ASAH2: variants seen among roughly 807,000 people sequenced by gnomAD.
The protein encoded by ASAH2 is neutral ceramidase.
A neutral mutation model predicts 82.9 loss-of-function variants in ASAH2; 58 were observed. The observed-to-expected ratio is 0.70, with a 90% CI of 0.57 to 0.87. The LOEUF (loss-of-function observed/expected upper bound fraction) is 0.87, where lower values mean the gene tolerates loss of function less well. Among genes scored for constraint, ASAH2 ranks in the 40% least tolerant of loss-of-function variants. The pLI is 0.00. For synonymous variants in ASAH2, 276 were observed against 289.7 expected (o/e 0.95, Z 0.48); for missense variants, 779 against 834.0 (o/e 0.93, Z 0.81).
intron 7 of ASAH2, among the ~76,000 whole-genome samples, chr10:50,219,004 G>T (rs1246441075): frequency 6.6e-6 from 1 of 152,138 alleles, no homozygotes; most frequent in Non-Finnish European, 1.5e-5. Flanking sequence ...TTTACTAAGG[G>T]TTACCTGTAT....
At chr10:50,218,433 A>G (rs1049240936) in intron 8 of ASAH2, 77 bp downstream of exon 8, 20,866 of 1,595,918 alleles carry the variant, frequency 0.013, 166 homozygotes, top group Non-Finnish European at 0.015. Context: ...GGAGATTTGA[A>G]TCACCTCTTC....
intron 7 of ASAH2, among the ~76,000 whole-genome samples, chr10:50,220,475 C>A (rs1029436964): frequency 2.7e-5 from 3 of 113,008 alleles, no homozygotes; most frequent in South Asian, 7.9e-4. Flanking sequence ...TGTCCTTTGC[C>A]GGAACATAGA....
chr10:50,206,019 C>T lies in ASAH2; in HGVS notation c.1493G>A (p.Cys498Tyr). 1.9e-6 allele frequency: 3 copies of T among 1,612,520 alleles called. No individual in the cohort carries two copies. Among genetic ancestry groups the T allele is most frequent in the Non-Finnish European group, 2.5e-6 (3 of 1,178,830 alleles). ...LGKPSEEIKE[C>Y]HKPKPILLHT... ...AAGAAGGATGGGCTTTGGTTTATGA[C>T]ATTCTTTAATTTCTTCAGATGGCTT... Residue 498 changes from cysteine to tyrosine, a missense_variant, in exon 13 of 21, where the codon TGT becomes TAT. Cys to Tyr is a radical substitution (Grantham distance 194). This residue lies in a region of ASAH2 where 759 missense variants were observed against 755.2 expected (regional missense o/e 1.00). Transcript: ENST00000682911.
rs950682342 is a variant in ASAH2 at position 50,202,970 on chromosome 10, C to A, written c.1666-46G>T. 2,836 of 1,189,610 alleles carry A rather than the reference C, an allele frequency of 2.4e-3. 41 individuals are homozygous for A. In the African/African-American group the frequency reaches 0.035, roughly 15 times the overall value. The allele number at this position is 1,189,610 out of a possible 1,614,324, so 73.7% of individuals were successfully genotyped here. The stretch of plus-strand genomic sequence containing the variant: ...CCAATAAAATTACTCTTCATCTTTA[C>A]GTATATTTTCATTCTGTTATCCTTA... On this transcript the variant is annotated intron_variant, in intron 15 of 20. Coordinates refer to ENST00000682911, the MANE Select transcript of ASAH2 (RefSeq NM_019893.4).
chr10:50,250,435 C>T (rs1338718792), intron 1 of ASAH2, among the ~76,000 whole-genome samples: 3 of 152,206 alleles, frequency 2.0e-5, no homozygotes, highest in African/African-American at 7.2e-5. Flanking sequence ...GCAGGGACAA[C>T]TTCAAATGTG....
intron 6 of ASAH2, among the ~76,000 whole-genome samples, chr10:50,234,092 A>G (rs1023772689): frequency 6.6e-6 from 1 of 152,112 alleles, no homozygotes; most frequent in African/African-American, 2.4e-5. Context: ...ATAAATTAAG[A>G]TAAGTAAATC....
chr10:50,243,239 A>C lies in ASAH2; in HGVS notation c.473T>G (p.Ile158Ser), dbSNP rs1471061544. 3.7e-6 allele frequency: 6 copies of C among 1,613,980 alleles called. No homozygotes were observed. The Admixed American group carries it at 5.0e-5, about 13-fold the overall frequency. ...CCTTTGTGATACCATGCCTATGTCGATGCTGACAAACACTGTTCGATTGGA... is the reference window on the plus strand; with the variant it reads ...CCTTTGTGATACCATGCCTATGTCGCTGCTGACAAACACTGTTCGATTGGA... ...DGSNRTVFVSIDIGMVSQRLR... is the reference protein window; with the variant it reads ...DGSNRTVFVSSDIGMVSQRLR... The change falls in exon 4 of 21, where the codon ATC becomes AGC. Residue 158 changes from isoleucine to serine, a missense_variant. Ile to Ser is a moderately radical substitution (Grantham distance 142). Coordinates refer to ENST00000682911, the MANE Select transcript of ASAH2 (RefSeq NM_019893.4).
At chr10:50,220,082 C>G (rs1453602129) in intron 7 of ASAH2, among the ~76,000 whole-genome samples, 1 of 152,148 alleles carries the variant, frequency 6.6e-6, no homozygotes, top group African/African-American at 2.4e-5. Flanking sequence ...TTGTAGCCAA[C>G]AAATGTAGTT....
intron 10 of ASAH2, among the ~76,000 whole-genome samples, chr10:50,211,603 C>T (rs1327499618): frequency 2.0e-5 from 3 of 152,256 alleles, no homozygotes; most frequent in South Asian, 2.1e-4. Context: ...TGCAGCACTT[C>T]GCCCACCCAC....
At chr10:50,242,425 T>C (rs1367379946) in intron 4 of ASAH2, among the ~76,000 whole-genome samples, 9 of 152,204 alleles carry the variant, frequency 5.9e-5, no homozygotes, top group Admixed American at 3.3e-4. Context: ...TGATGGACAT[T>C]TATGATCATT....
rs972952227 is a variant in ASAH2, at chr10:50,232,648, G to A, written c.893+536C>T. Among the ~76,000 whole-genome samples the A allele has an allele frequency of 2.0e-5, 3 of 152,124 alleles. No individual in the cohort carries two copies. In the East Asian group the frequency reaches 5.8e-4, roughly 29 times the overall value. ...TCACTCCCAGATAATTGTGCTAAAA[G>A]CTGGCCCCACCTGTAATTTTCCCTC... On this transcript the variant is annotated intron_variant, in intron 7 of 20. Coordinates refer to ENST00000682911, the MANE Select transcript of ASAH2 (RefSeq NM_019893.4).
At chr10:50,201,592 C>G (rs1239918968) in intron 16 of ASAH2, among the ~76,000 whole-genome samples, 2 of 152,094 alleles carry the variant, frequency 1.3e-5, no homozygotes, top group Non-Finnish European at 2.9e-5. Context: ...ACTTTCCCAT[C>G]TCACCTGGAC....
chr10:50,248,723 A>G lies in ASAH2; in HGVS notation c.-36-77T>C. The G allele has an allele frequency of 3.6e-6, 4 of 1,114,280 alleles. No individual in the cohort carries two copies. In the South Asian group the frequency reaches 6.4e-5, roughly 18 times the overall value. The allele number at this position is 1,114,280 out of a possible 1,614,324, so 69.0% of individuals were successfully genotyped here. On this transcript the variant is annotated intron_variant, in intron 1 of 20. Transcript: ENST00000682911. ...GGTTAAGATATCTTAGCTCTTTCAT[A>G]TTAATAGACTATACCAAGAACGACA...
chr10:50,210,279 T>G (rs1206062685), intron 12 of ASAH2, among the ~76,000 whole-genome samples: 3 of 152,098 alleles, frequency 2.0e-5, no homozygotes, highest in Non-Finnish European at 2.9e-5. Context: ...GGCGGGCGGA[T>G]CACTTGAGGT....
intron 12 of ASAH2, among the ~76,000 whole-genome samples, chr10:50,208,939 A>C (rs986004416): frequency 9.2e-5 from 14 of 152,214 alleles, no homozygotes; most frequent in Non-Finnish European, 2.9e-5. Context: ...ATACTGGCAC[A>C]AGGTTAGGCA....
chr10:50,229,219 G>A (rs1204392710), intron 7 of ASAH2, among the ~76,000 whole-genome samples: 5 of 151,956 alleles, frequency 3.3e-5, no homozygotes, highest in Non-Finnish European at 4.4e-5. Context: ...CAGACTCTTT[G>A]AAGTACCTTA....
At chr10:50,194,235 T>C (rs1844915475) in intron 18 of ASAH2, among the ~76,000 whole-genome samples, 1 of 151,448 alleles carries the variant, frequency 6.6e-6, no homozygotes, top group African/African-American at 2.4e-5. Flanking sequence ...ATATCCCTCA[T>C]GGACATGAGT....
chr10:50,245,296 A>G lies in ASAH2; in HGVS notation c.286T>C (p.Phe96Leu). The change falls in exon 3 of 21, where the codon TTT (phenylalanine) becomes CTT (leucine). Residue 96 changes from phenylalanine to leucine, a missense_variant. This residue lies in a region of ASAH2 where 759 missense variants were observed against 755.2 expected (regional missense o/e 1.00). Coordinates refer to ENST00000682911, the MANE Select transcript of ASAH2 (RefSeq NM_019893.4). ...PVPLTPESPLFQNFSGYHIGV... is the reference protein window; with the variant it reads ...PVPLTPESPLLQNFSGYHIGV... ...ATATGGTAGCCACTGAAGTTCTGAA[A>G]TAGAGGAGACTCTGGGGTTAAAGGC... The G allele has an allele frequency of 1.2e-6, 2 of 1,614,134 alleles. No homozygotes were observed. Among genetic ancestry groups the G allele is most frequent in the Admixed American group, 3.3e-5 (2 of 60,016 alleles).
chr10:50,238,389 C>T (rs1446508716), intron 4 of ASAH2, among the ~76,000 whole-genome samples: 2 of 152,170 alleles, frequency 1.3e-5, no homozygotes, highest in South Asian at 4.2e-4. Flanking sequence ...TGTTTGGTTA[C>T]CATGTCCACA....
Sources: gnomAD v4.1 joint callset for allele counts (sites outside exome capture counted in the v4.1 genomes callset) on GRCh38, gnomAD v4.1.1 for gene constraint, gnomAD v4.1.1 regional missense constraint, MANE v1.5 for transcripts, NCBI Gene and HGNC (gene_info 2026-07-23, HGNC 2026-07-21) for gene names.